ARMH1: variants seen among roughly 807,000 people sequenced by gnomAD.
ARMH1 encodes armadillo like helical domain containing 1, also known as armadillo-like helical domain containing protein 1.
Under a neutral mutation model 50.2 loss-of-function variants are expected in ARMH1, and 34 were observed. That is an observed-to-expected ratio of 0.68 (90% CI 0.51 to 0.90). ARMH1 has a LOEUF of 0.90. Among genes scored for constraint, ARMH1 ranks in the 40% least tolerant of loss-of-function variants. ARMH1 has a pLI of 0.00. For synonymous variants in ARMH1, 221 were observed against 224.2 expected (o/e 0.99, Z 0.13); for missense variants, 538 against 553.9 (o/e 0.97, Z 0.29).
intron 1 of ARMH1, among the ~76,000 whole-genome samples, chr1:44,686,760 G>A (rs1469913974): frequency 6.6e-6 from 1 of 151,976 alleles, no homozygotes; most frequent in Non-Finnish European, 1.5e-5. Context: ...GAAAAAAAAT[G>A]GGAGTTAGAG....
In ARMH1 at chr1:44,690,036, G is replaced by A. The variant is rs1394028984; in HGVS notation, c.206+133G>A. 8.1e-6 allele frequency: 6 copies of A among 738,014 alleles called. No individual in the cohort carries two copies. In the Admixed American group the frequency reaches 1.5e-4, roughly 18 times the overall value. The allele number at this position is 738,014 out of a possible 1,614,324, so 45.7% of individuals were successfully genotyped here. On this transcript the variant is annotated intron_variant, in intron 2 of 11. Coordinates refer to ENST00000535358, the MANE Select transcript of ARMH1 (RefSeq NM_001145636.2). ...AGTTCGAGACCAGCCTAACCAACATGGTGAAACCCTGTCTCTACTAAAAAT... is the reference window on the plus strand; with the variant it reads ...AGTTCGAGACCAGCCTAACCAACATAGTGAAACCCTGTCTCTACTAAAAAT...
rs529182890 is a variant in ARMH1, at chr1:44,696,602, T to C, written c.207-500T>C. On this transcript the variant is annotated intron_variant, in intron 2 of 11. Coordinates refer to ENST00000535358, the MANE Select transcript of ARMH1 (RefSeq NM_001145636.2). ...AGTTTAATTTTTCCACCATCTCCTA[T>C]TATTCTTATTAGGAAGCCAATTCTT... Among the ~76,000 whole-genome samples the C allele has an allele frequency of 2.0e-5, 3 of 152,338 alleles. No individual in the cohort carries two copies. In the South Asian group the frequency reaches 6.2e-4, roughly 32 times the overall value.
chr1:44,701,912 G>C (rs1203697647), intron 5 of ARMH1, among the ~76,000 whole-genome samples: 2 of 150,210 alleles, frequency 1.3e-5, no homozygotes, highest in Non-Finnish European at 3.0e-5. Context: ...GCAAAAAAGT[G>C]AGACTCGTGT....
intron 5 of ARMH1, among the ~76,000 whole-genome samples, chr1:44,703,858 C>A (rs1646211598): frequency 1.3e-5 from 2 of 151,044 alleles, no homozygotes; most frequent in Non-Finnish European, 3.0e-5. Context: ...TCAGGAGTAG[C>A]TGGGACTACA....
At chr1:44,691,214 C>T (rs1216878260) in intron 2 of ARMH1, among the ~76,000 whole-genome samples, 3 of 151,946 alleles carry the variant, frequency 2.0e-5, no homozygotes, top group East Asian at 2.0e-4. Flanking sequence ...GCCAAGATCG[C>T]GCCATTGTAC....
chr1:44,725,012 C>T (rs1457545441), intron 10 of ARMH1, 124 bp from the exon 11 acceptor site: 1 of 1,513,684 alleles, frequency 6.6e-7, no homozygotes, highest in African/African-American at 1.4e-5. Context: ...TTCCTGTTCC[C>T]TTTCCTGCCC....
intron 6 of ARMH1, among the ~76,000 whole-genome samples, chr1:44,723,031 C>T (rs1463760305): frequency 3.1e-4 from 46 of 150,616 alleles, no homozygotes; most frequent in Non-Finnish European, 5.9e-4. Context: ...GCCGAGATCG[C>T]GCCACTGCAC....
rs144445044 is a variant in ARMH1 at position 44,686,609 on chromosome 1, G to A, written c.-22-3067G>A. Among the ~76,000 whole-genome samples the A allele has an allele frequency of 5.3e-5, 8 of 152,120 alleles. No individual in the cohort carries two copies. The East Asian group carries it at 1.4e-3, about 26-fold the overall frequency. ...GAGAATCGCAGGAACCTGGGAGGCAGAGGCTGCAGTGAGCCAAGATCACAC... is the reference window on the plus strand; with the variant it reads ...GAGAATCGCAGGAACCTGGGAGGCAAAGGCTGCAGTGAGCCAAGATCACAC... On this transcript the variant is annotated intron_variant, in intron 1 of 11. Transcript: ENST00000535358.
At chr1:44,709,684 A>T (rs1646514344) in intron 6 of ARMH1, among the ~76,000 whole-genome samples, 1 of 151,236 alleles carries the variant, frequency 6.6e-6, no homozygotes, top group Admixed American at 6.6e-5. Flanking sequence ...AAAAAAAAAA[A>T]AAATTATCTG....
intron 2 of ARMH1, among the ~76,000 whole-genome samples, chr1:44,695,737 C>T (rs747845975): frequency 3.3e-5 from 5 of 151,884 alleles, no homozygotes; most frequent in East Asian, 1.9e-4. Context: ...TTTACAAGTC[C>T]GAAACTAGTC....
Position 44,675,946 on chromosome 1 carries a change from C to T in ARMH1, c.-23+1073C>T, listed in dbSNP as rs139431653. On this transcript the variant is annotated intron_variant, in intron 1 of 11. Coordinates refer to ENST00000535358, the MANE Select transcript of ARMH1 (RefSeq NM_001145636.2). ...CTGCACTCCAGCCTGGGTGACAGAG[C>T]GCGACTCTGTCTCAAAAAAAAAGAA... 5.6e-3 allele frequency among the ~76,000 whole-genome samples: 847 copies of T among 151,860 alleles called. 9 individuals carry two copies. Among genetic ancestry groups the T allele is most frequent in the Non-Finnish European group, 7.5e-3 (511 of 67,938 alleles).
intron 6 of ARMH1, among the ~76,000 whole-genome samples, chr1:44,723,153 T>C (rs1489743533): frequency 6.6e-6 from 1 of 151,980 alleles, no homozygotes; most frequent in Middle Eastern, 3.2e-3. Context: ...CCTCTAGCTC[T>C]GTGGTTCCTT....
chr1:44,723,884 G>A (rs1332175276), intron 6 of ARMH1: 2 of 482,490 alleles, frequency 4.1e-6, no homozygotes, highest in East Asian at 7.2e-5. Context: ...CTCCAGCGCT[G>A]ACATCCTAGG....
chr1:44,679,343 A>C (rs1042131569), intron 1 of ARMH1, among the ~76,000 whole-genome samples: 2 of 152,358 alleles, frequency 1.3e-5, no homozygotes, highest in Non-Finnish European at 2.9e-5. Flanking sequence ...TGCATGCTGC[A>C]TGCCATGATC....
chr1:44,724,642 C>T lies in ARMH1; in HGVS notation c.1024C>T (p.Gln342Ter), dbSNP rs951935201. 11 of 1,503,152 alleles carry T rather than the reference C, an allele frequency of 7.3e-6. No homozygotes were observed. Among genetic ancestry groups the T allele is most frequent in the Non-Finnish European group, 9.7e-6 (11 of 1,130,788 alleles). The allele number at this position is 1,503,152 out of a possible 1,614,324, so 93.1% of individuals were successfully genotyped here. The change falls in exon 9 of 12, where the codon CAG (glutamine) becomes TAG (stop). Residue 342 changes from glutamine (Q) to a stop codon, truncating the protein, a stop_gained. Transcript: ENST00000535358. LOFTEE classifies it high-confidence loss of function. The surrounding 1 kb of genome is among the most constrained non-coding windows in gnomAD (Gnocchi z 6.4). ...GGGCAACACGGACCACAGCAACAGC[C>T]AGCGGCTGGCCAGCCTCACGCTGGA... ...AMGNTDHSNS[Q>*]RLASLTLECF...
chr1:44,705,749 G>A lies in ARMH1; in HGVS notation c.724+1576G>A, dbSNP rs77332939. On this transcript the variant is annotated intron_variant, in intron 6 of 11. Transcript: ENST00000535358. Reference sequence around the variant, plus strand: ...TATAGCGCATGGCAGATATTTAAACGATATAATTTCCTTCCCTTTCCCTAT... The same window carrying A: ...TATAGCGCATGGCAGATATTTAAACAATATAATTTCCTTCCCTTTCCCTAT... 3.0e-3 allele frequency among the ~76,000 whole-genome samples: 455 copies of A among 152,250 alleles called. 1 individual carries two copies. The highest frequency in any genetic ancestry group is 4.7e-3 in the Non-Finnish European group (318 of 68,008).
chr1:44,725,272 C>T lies in ARMH1; in HGVS notation c.1211-19C>T. ...AGGCGCCGCCAGCACAGCCTCACGC[C>T]CGCCTTTCCTGCCTGCAGCCCTGTG... On this transcript the variant is annotated intron_variant, in intron 11 of 11. Coordinates refer to ENST00000535358, the MANE Select transcript of ARMH1 (RefSeq NM_001145636.2). 6.4e-7 allele frequency: 1 copy of T among 1,551,776 alleles called. No individual in the cohort carries two copies. The highest frequency in any genetic ancestry group is 2.0e-5 in the Admixed American group (1 of 51,010).
At chr1:44,687,412 G>A (rs539506904) in intron 1 of ARMH1, among the ~76,000 whole-genome samples, 4 of 152,244 alleles carry the variant, frequency 2.6e-5, no homozygotes, top group South Asian at 2.1e-4. Context: ...AGGAATTTGG[G>A]GAAAACACAG....
At chr1:44,686,810 A>G (rs1645486364) in intron 1 of ARMH1, among the ~76,000 whole-genome samples, 2 of 152,028 alleles carry the variant, frequency 1.3e-5, no homozygotes, top group Admixed American at 6.6e-5. Flanking sequence ...GCAAGGTGGC[A>G]TGCGCCTGTA....
Sources: gnomAD v4.1 joint callset for allele counts (sites outside exome capture counted in the v4.1 genomes callset) on GRCh38, gnomAD v4.1.1 for gene constraint, Gnocchi (gnomAD v3.1) non-coding constraint, MANE v1.5 for transcripts, NCBI Gene and HGNC (gene_info 2026-07-23, HGNC 2026-07-21) for gene names.